The following ENTHD1 variants were observed in gnomAD, a reference collection of about 807,000 sequenced individuals.
ENTHD1 encodes the protein ENTH domain containing 1, also known as ENTH domain-containing protein 1.
A neutral mutation model predicts 39.1 loss-of-function variants in ENTHD1; 23 were observed. The ratio of observed to expected loss-of-function variants is 0.59; its 90% CI spans 0.42 to 0.83. The LOEUF is 0.83. Ranked by LOEUF, ENTHD1 falls within the 40% of genes least tolerant of loss-of-function variation. The pLI, the probability that ENTHD1 is intolerant of heterozygous loss-of-function variation, is 0.00. For synonymous variants in ENTHD1, 230 were observed against 258.2 expected, an observed-to-expected ratio of 0.89 and a Z score of 1.05; for missense variants, 624 against 705.4, an observed-to-expected ratio of 0.88 and a Z score of 1.31.
chr22:39,844,767 G>C (rs2065973554), intron 3 of ENTHD1, among the ~76,000 whole-genome samples: 1 of 152,176 alleles, frequency 6.6e-6, no homozygotes, highest in Admixed American at 6.5e-5. Context: ...AAAGAGAACT[G>C]AATGGAGAAT....
At chr22:39,759,272 T>A (rs1009030969) in intron 6 of ENTHD1, among the ~76,000 whole-genome samples, 18 of 152,268 alleles carry the variant, frequency 1.2e-4, no homozygotes, top group African/African-American at 4.1e-4. Flanking sequence ...TGTATATGTG[T>A]GTTTGTGTAT....
chr22:39,771,590 A>G (rs1156734228), intron 5 of ENTHD1, among the ~76,000 whole-genome samples: 2 of 152,216 alleles, frequency 1.3e-5, no homozygotes, highest in Non-Finnish European at 2.9e-5. Context: ...GAAAGTACCC[A>G]GAGAAAGATG....
chr22:39,784,039 AAAC>A (rs1163466697), intron 5 of ENTHD1, among the ~76,000 whole-genome samples: 1 of 152,230 alleles, frequency 6.6e-6, no homozygotes, highest in African/African-American at 2.4e-5. Context: ...TTAGGAGCTC[AAAC>A]AACTCATTAG....
chr22:39,829,917 T>G (rs1601624342), intron 4 of ENTHD1, among the ~76,000 whole-genome samples: 1 of 152,214 alleles, frequency 6.6e-6, no homozygotes, highest in East Asian at 1.9e-4. Context: ...TAGGTTGGAA[T>G]GCAGTGGCTA....
intron 5 of ENTHD1, among the ~76,000 whole-genome samples, chr22:39,812,766 A>G (rs574340067): frequency 1.6e-4 from 24 of 152,070 alleles, no homozygotes; most frequent in Admixed American, 2.6e-4. Flanking sequence ...GGTTGATTAC[A>G]TTGGATCCCT....
chr22:39,804,701 C>T (rs1363091668), intron 5 of ENTHD1, among the ~76,000 whole-genome samples: 3 of 152,144 alleles, frequency 2.0e-5, no homozygotes, highest in Non-Finnish European at 4.4e-5. Context: ...TGGTCTCCCT[C>T]CCCACAACTC....
intron 3 of ENTHD1, among the ~76,000 whole-genome samples, chr22:39,840,650 A>C (rs1237907255): frequency 6.6e-6 from 1 of 152,252 alleles, no homozygotes; most frequent in African/African-American, 2.4e-5. Flanking sequence ...AGAGCTAGTA[A>C]GATCTAAAAG....
At chr22:39,764,253 C>A (rs2065257492) in intron 6 of ENTHD1, among the ~76,000 whole-genome samples, 1 of 152,074 alleles carries the variant, frequency 6.6e-6, no homozygotes, top group Non-Finnish European at 1.5e-5. Context: ...GCAGGAGGAT[C>A]ACTTGAGGCC....
chr22:39,841,114 C>T (rs2065941496), intron 3 of ENTHD1, among the ~76,000 whole-genome samples: 1 of 152,162 alleles, frequency 6.6e-6, no homozygotes, highest in Non-Finnish European at 1.5e-5. Context: ...TTTAAGCTTA[C>T]AGAAAAGTAA....
intron 4 of ENTHD1, among the ~76,000 whole-genome samples, chr22:39,834,397 T>G (rs1213550733): frequency 6.6e-6 from 1 of 152,174 alleles, no homozygotes; most frequent in Admixed American, 6.5e-5. Flanking sequence ...TTCAACATCA[T>G]TAGCCATTTG....
At chr22:39,767,641 AAAAC>A (rs1235548765) in intron 5 of ENTHD1, among the ~76,000 whole-genome samples, 1 of 152,210 alleles carries the variant, frequency 6.6e-6, no homozygotes, top group Non-Finnish European at 1.5e-5. Context: ...ACATGTGAGA[AAAAC>A]AAGACAAAAA....
intron 5 of ENTHD1, among the ~76,000 whole-genome samples, chr22:39,778,541 A>G (rs1221123464): frequency 6.6e-6 from 1 of 152,208 alleles, no homozygotes; most frequent in African/African-American, 2.4e-5. Context: ...CAGATAAAGT[A>G]TTATTTCTTG....
At chr22:39,746,309 A>T (rs1273930487) in intron 6 of ENTHD1, among the ~76,000 whole-genome samples, 2 of 151,520 alleles carry the variant, frequency 1.3e-5, no homozygotes, top group African/African-American at 4.8e-5. Flanking sequence ...AATTTCCAAG[A>T]GCTCTTTTTT....
intron 2 of ENTHD1, among the ~76,000 whole-genome samples, chr22:39,883,003 CAA>C (rs58964198): frequency 5.6e-4 from 27 of 48,266 alleles, no homozygotes; most frequent in Middle Eastern, 0.011. Flanking sequence ...GACTTCATCT[CAA>C]AAAAAAAAAA....
chr22:39,824,412 T>C (rs1029229130), intron 4 of ENTHD1, among the ~76,000 whole-genome samples: 1 of 151,866 alleles, frequency 6.6e-6, no homozygotes, highest in African/African-American at 2.4e-5. Flanking sequence ...GGTTTTACCG[T>C]GTTGGCCAGG....
intron 3 of ENTHD1, among the ~76,000 whole-genome samples, chr22:39,856,008 T>C (rs2066082214): frequency 6.6e-6 from 1 of 152,116 alleles, no homozygotes; most frequent in Non-Finnish European, 1.5e-5. Context: ...GCGCGGTGGC[T>C]CAACGCCTGT....
At chr22:39,828,625 GT>G (rs2065843912) in intron 4 of ENTHD1, among the ~76,000 whole-genome samples, 1 of 152,140 alleles carries the variant, frequency 6.6e-6, no homozygotes, top group African/African-American at 2.4e-5. Context: ...CTTTAATTTT[GT>G]GTGAACCAAT....
intron 5 of ENTHD1, among the ~76,000 whole-genome samples, chr22:39,766,546 G>A (rs974583405): frequency 3.9e-5 from 6 of 152,164 alleles, no homozygotes; most frequent in South Asian, 2.1e-4. Flanking sequence ...TTCATGAAAC[G>A]AGAAGCATGA....
chr22:39,795,385 C>T (rs2065539838), intron 5 of ENTHD1, among the ~76,000 whole-genome samples: 1 of 151,864 alleles, frequency 6.6e-6, no homozygotes, highest in Non-Finnish European at 1.5e-5. Flanking sequence ...GCCATCTGGT[C>T]CTGGGCTTTT....
Sources: gnomAD v4.1 joint callset for allele counts (sites outside exome capture counted in the v4.1 genomes callset) on GRCh38, gnomAD v4.1.1 for gene constraint, MANE v1.5 for transcripts, NCBI Gene and HGNC (gene_info 2026-07-23, HGNC 2026-07-21) for gene names.